The following ZNF169 variants were observed in gnomAD, a reference collection of about 807,000 sequenced individuals.
The protein encoded by ZNF169 is zinc finger protein 169.
Under a neutral mutation model 12.0 loss-of-function variants are expected in ZNF169, and 11 were observed. That is an observed-to-expected ratio of 0.92 (90% confidence interval 0.58 to 1.52). The LOEUF is 1.52. ZNF169 is among the 40% of genes most tolerant of loss of function. The pLI is 0.00. For missense variants in ZNF169, 722 were observed against 744.0 expected, an observed-to-expected ratio of 0.97 and a Z score of 0.34; for synonymous variants, 302 against 286.5, an observed-to-expected ratio of 1.05 and a Z score of -0.55.
At chr9:94,265,579 CAAA>C (rs58394124) in intron 1 of ZNF169, among the ~76,000 whole-genome samples, 1 of 123,692 alleles carries the variant, frequency 8.1e-6, no homozygotes, top group Non-Finnish European at 1.6e-5. Flanking sequence ...GACTCTGTCT[CAAA>C]AAAAAAAAAA....
At chr9:94,299,497 G>A in intron 4 of ZNF169, 1 of 1,268,258 alleles carries the variant, frequency 7.9e-7, no homozygotes. Context: ...CCGAACAAAT[G>A]TTTCTCAGGC....
chr9:94,274,825 A>G (rs1422477588), intron 1 of ZNF169, among the ~76,000 whole-genome samples: 2 of 152,208 alleles, frequency 1.3e-5, no homozygotes, highest in Non-Finnish European at 2.9e-5. Flanking sequence ...ATCTGGCAAC[A>G]TGGTCCACTA....
intron 2 of ZNF169, among the ~76,000 whole-genome samples, chr9:94,286,075 T>G (rs1294606105): frequency 6.6e-6 from 1 of 152,164 alleles, no homozygotes; most frequent in Admixed American, 6.5e-5. Flanking sequence ...GCTGGACACT[T>G]GCTTTCTTTA....
At position 94,301,427 on chromosome 9, in the gene ZNF169, T is replaced by G; in HGVS notation, c.*57T>G. ...AGAAATCACTAGTAAATGCTTCAGT[T>G]TCCTGAAATGGAATGGAAAAAAAAA... On this transcript the variant is annotated 3_prime_UTR_variant, in exon 5 of 5. Transcript: ENST00000395395. The G allele has an allele frequency of 6.7e-7, 1 of 1,487,492 alleles. No individual in the cohort carries two copies. The highest frequency in any genetic ancestry group is 8.9e-7 in the Non-Finnish European group (1 of 1,118,212). 92.1% of individuals were successfully genotyped at this position (1,487,492 alleles called of 1,614,324 possible).
chr9:94,291,235 G>A (rs532680934), intron 2 of ZNF169, among the ~76,000 whole-genome samples: 1 of 151,622 alleles, frequency 6.6e-6, no homozygotes, highest in Non-Finnish European at 1.5e-5. Flanking sequence ...TGTATTTTTG[G>A]TAGAGATGGT....
chr9:94,281,968 G>C (rs1418693897), intron 2 of ZNF169, among the ~76,000 whole-genome samples: 2 of 152,158 alleles, frequency 1.3e-5, no homozygotes, highest in Admixed American at 1.3e-4. Context: ...CTTAGTTGAT[G>C]ATCTCCTGGA....
intron 2 of ZNF169, among the ~76,000 whole-genome samples, chr9:94,290,199 C>A (rs1267398236): frequency 6.6e-6 from 1 of 152,178 alleles, no homozygotes; most frequent in Non-Finnish European, 1.5e-5. Flanking sequence ...ACTCTCAGTA[C>A]AATAGGAACA....
At chr9:94,294,430 T>A (rs936859553) in intron 4 of ZNF169, 1 of 151,750 alleles carries the variant, frequency 6.6e-6, no homozygotes, top group Non-Finnish European at 1.5e-5. Context: ...AGAGCGAGTC[T>A]CCATCTCACA....
At chr9:94,263,874 A>T (rs1412850034) in intron 1 of ZNF169, among the ~76,000 whole-genome samples, 1 of 149,306 alleles carries the variant, frequency 6.7e-6, no homozygotes, top group Non-Finnish European at 1.5e-5. Flanking sequence ...TTAATTCAAT[A>T]TAACTTAATT....
chr9:94,265,563 G>A (rs553597483), intron 1 of ZNF169, among the ~76,000 whole-genome samples: 1 of 147,668 alleles, frequency 6.8e-6, no homozygotes, highest in East Asian at 2.0e-4. Flanking sequence ...CTGGGGGACA[G>A]AGCGAGACTC....
chr9:94,298,064 G>T (rs1830986431), intron 4 of ZNF169, among the ~76,000 whole-genome samples: 1 of 151,962 alleles, frequency 6.6e-6, no homozygotes, highest in Non-Finnish European at 1.5e-5. Context: ...CTACTCAGGA[G>T]GCTGAGGTGG....
intron 4 of ZNF169, among the ~76,000 whole-genome samples, chr9:94,298,390 A>G (rs1830990822): frequency 6.6e-6 from 1 of 151,746 alleles, no homozygotes; most frequent in African/African-American, 2.4e-5. Context: ...ACTCATAAGA[A>G]CTTAGTCCTG....
intron 1 of ZNF169, among the ~76,000 whole-genome samples, chr9:94,266,905 G>A (rs983487818): frequency 1.4e-5 from 2 of 139,310 alleles, no homozygotes; most frequent in African/African-American, 2.5e-5. Context: ...ATTATTTTTC[G>A]TGTAGGCCTT....
intron 4 of ZNF169, chr9:94,294,380 G>T (rs1830909889): frequency 1.3e-5 from 2 of 150,052 alleles, no homozygotes; most frequent in Admixed American, 1.3e-4. Context: ...GGACGTTGCA[G>T]TGAACTGAGA....
At chr9:94,287,662 C>T (rs1212035866) in intron 2 of ZNF169, 20 of 925,530 alleles carry the variant, frequency 2.2e-5, no homozygotes, top group Middle Eastern at 3.4e-4. Context: ...CTGTGCCCGG[C>T]CAAAAATAGT....
rs1288428222 is a variant in ZNF169, at chr9:94,271,492, C to T, written c.-55-7266C>T. On this transcript the variant is annotated intron_variant, in intron 1 of 4. Coordinates refer to ENST00000395395, the MANE Select transcript of ZNF169 (RefSeq NM_194320.4). Reference sequence around the variant, plus strand: ...ATCCCAGCACTTTGGGAGGCCGAGGCGGGCAGATCACTCGGTCAAAAGATC... The same window carrying T: ...ATCCCAGCACTTTGGGAGGCCGAGGTGGGCAGATCACTCGGTCAAAAGATC... Among the ~76,000 whole-genome samples, 5 of 151,930 alleles carry T rather than the reference C, an allele frequency of 3.3e-5. No homozygotes were observed. In the South Asian group the frequency reaches 6.2e-4, roughly 19 times the overall value.
At chr9:94,277,464 T>G (rs913209834) in intron 1 of ZNF169, among the ~76,000 whole-genome samples, 5 of 152,202 alleles carry the variant, frequency 3.3e-5, no homozygotes, top group African/African-American at 1.2e-4. Context: ...TTTCAAGGTA[T>G]GGCAAGTAAA....
At position 94,299,810 on chromosome 9, in the gene ZNF169, A is replaced by G. The variant is rs980309704; in HGVS notation, c.257-5A>G. 1.9e-6 allele frequency: 3 copies of G among 1,606,390 alleles called. No individual in the cohort carries two copies. The African/African-American group carries it at 4.0e-5, about 22-fold the overall frequency. ...TGATTCTGACCAAGACTTTCTCTCT[A>G]GCAGAGCCTAGAACAGAATTCCAGC... On this transcript the variant is annotated splice_polypyrimidine_tract_variant and splice_region_variant and intron_variant, in intron 4 of 4. Transcript: ENST00000395395.
intron 1 of ZNF169, among the ~76,000 whole-genome samples, chr9:94,269,602 A>G (rs113214929): frequency 0.14 from 22,018 of 152,160 alleles, 1,671 homozygotes; most frequent in Middle Eastern, 0.22. Context: ...TCCTGGACCA[A>G]ACTGAGGATC....
Sources: gnomAD v4.1 joint callset for allele counts (sites outside exome capture counted in the v4.1 genomes callset) on GRCh38, gnomAD v4.1.1 for gene constraint, MANE v1.5 for transcripts, NCBI Gene and HGNC (gene_info 2026-07-23, HGNC 2026-07-21) for gene names.